The following MOB3B variants were observed in gnomAD, a reference collection of about 807,000 sequenced individuals.
MOB3B encodes MOB kinase activator 3B.
In MOB3B, 7 loss-of-function variants were observed where a neutral mutation model predicts 18.7. That is an observed-to-expected ratio of 0.37 (90% CI 0.21 to 0.70). MOB3B has a LOEUF of 0.70. Among genes scored for constraint, MOB3B ranks in the 30% least tolerant of loss-of-function variants. The probability of loss-of-function intolerance (pLI) is 0.52; values close to 1 mark genes in which losing one functional copy is unlikely to be tolerated. For synonymous variants in MOB3B, 111 were observed against 99.9 expected, an observed-to-expected ratio of 1.11 and a Z score of -0.66; for missense variants, 253 against 281.3, an observed-to-expected ratio of 0.90 and a Z score of 0.72.
chr9:27,498,432 G>T (rs1819934578), intron 1 of MOB3B, among the ~76,000 whole-genome samples: 1 of 152,122 alleles, frequency 6.6e-6, no homozygotes, highest in Non-Finnish European at 1.5e-5. Flanking sequence ...TTAGGGAGGG[G>T]TGGGCTGGTT....
chr9:27,489,938 T>G (rs1241535065), intron 1 of MOB3B, among the ~76,000 whole-genome samples: 4 of 152,012 alleles, frequency 2.6e-5, no homozygotes, highest in Non-Finnish European at 4.4e-5. Flanking sequence ...ACATATATAG[T>G]AAATATTCTT....
At chr9:27,342,401 T>C (rs977445977) in intron 3 of MOB3B, among the ~76,000 whole-genome samples, 2 of 152,166 alleles carry the variant, frequency 1.3e-5, no homozygotes, top group African/African-American at 4.8e-5. Flanking sequence ...GAACTCTACA[T>C]GCCTATAGTC....
At chr9:27,353,148 G>T (rs1009417769) in intron 3 of MOB3B, among the ~76,000 whole-genome samples, 1 of 152,218 alleles carries the variant, frequency 6.6e-6, no homozygotes, top group Non-Finnish European at 1.5e-5. Context: ...GAGGGTAATT[G>T]TCATCTAGGG....
chr9:27,432,052 C>T (rs550288668), intron 2 of MOB3B, among the ~76,000 whole-genome samples: 25 of 152,232 alleles, frequency 1.6e-4, no homozygotes, highest in African/African-American at 4.8e-4. Flanking sequence ...AGACATCAGA[C>T]GATCAACTAC....
intron 2 of MOB3B, among the ~76,000 whole-genome samples, chr9:27,451,439 T>G (rs1587225002): frequency 1.3e-5 from 2 of 152,196 alleles, no homozygotes; most frequent in East Asian, 1.9e-4. Flanking sequence ...TTCTGCCATC[T>G]GAGAAAGTTC....
intron 2 of MOB3B, among the ~76,000 whole-genome samples, chr9:27,444,691 G>T (rs1822663689): frequency 1.3e-5 from 2 of 152,174 alleles, no homozygotes; most frequent in African/African-American, 4.8e-5. Context: ...GGCAAGTCTG[G>T]ATTCTAAACC....
At chr9:27,378,209 C>T in intron 2 of MOB3B, 1 of 365,586 alleles carries the variant, frequency 2.7e-6, no homozygotes, top group African/African-American at 2.1e-5. Flanking sequence ...ATTTCTCTTT[C>T]TGACCTACAC....
At chr9:27,445,426 T>A (rs1405654619) in intron 2 of MOB3B, among the ~76,000 whole-genome samples, 2 of 148,422 alleles carry the variant, frequency 1.3e-5, no homozygotes, top group Non-Finnish European at 3.0e-5. Flanking sequence ...ACACTATTTC[T>A]GGAAAACAGA....
chr9:27,492,682 A>T (rs1819836185), intron 1 of MOB3B, among the ~76,000 whole-genome samples: 1 of 152,230 alleles, frequency 6.6e-6, no homozygotes, highest in South Asian at 2.1e-4. Context: ...GAAGGTAATT[A>T]ACTCCAGTTT....
At chr9:27,373,111 A>T (rs961820703) in intron 2 of MOB3B, among the ~76,000 whole-genome samples, 4 of 152,230 alleles carry the variant, frequency 2.6e-5, no homozygotes, top group Non-Finnish European at 4.4e-5. Context: ...ACGCACTAAC[A>T]TTTCTGTCTT....
chr9:27,417,541 T>C (rs1324789641), intron 2 of MOB3B, among the ~76,000 whole-genome samples: 1 of 152,142 alleles, frequency 6.6e-6, no homozygotes, highest in Non-Finnish European at 1.5e-5. Flanking sequence ...TGTGCCCAGC[T>C]CCAGGAATCA....
At chr9:27,395,124 G>C (rs1396712013) in intron 2 of MOB3B, among the ~76,000 whole-genome samples, 3 of 152,220 alleles carry the variant, frequency 2.0e-5, no homozygotes, top group Non-Finnish European at 2.9e-5. Flanking sequence ...GAGTCATTAA[G>C]TCGGGATGTC....
chr9:27,478,646 G>C (rs574367738), intron 1 of MOB3B, among the ~76,000 whole-genome samples: 13 of 152,254 alleles, frequency 8.5e-5, no homozygotes, highest in African/African-American at 3.1e-4. Context: ...TAAACACAGA[G>C]AGTAAATTGG....
In MOB3B at chr9:27,443,881, C is replaced by CA. The variant is rs199714980; in HGVS notation, c.418+11251dup. Among the ~76,000 whole-genome samples the CA allele has an allele frequency of 7.4e-3, 1,130 of 152,230 alleles. 9 individuals are homozygous for CA. Among genetic ancestry groups the CA allele is most frequent in the Middle Eastern group, 0.017 (5 of 294 alleles). ...ATGACTGGCCTTCTCCTTGGGCTGT[C>CA]AATAATTATCCTTTCAGAACAGTGA... is the stretch of plus-strand genomic sequence containing the variant. On this transcript the variant is annotated intron_variant, in intron 2 of 3. Coordinates refer to ENST00000262244, the MANE Select transcript of MOB3B (RefSeq NM_024761.5).
intron 3 of MOB3B, among the ~76,000 whole-genome samples, chr9:27,344,765 T>C (rs1821006672): frequency 6.6e-6 from 1 of 152,240 alleles, no homozygotes; most frequent in East Asian, 1.9e-4. Flanking sequence ...GCCAATGCTC[T>C]CCAAAGGTGA....
rs1820768231 is a variant in MOB3B, at chr9:27,330,319, G to A, written c.*268C>T. 1 of 397,944 alleles carries A rather than the reference G, an allele frequency of 2.5e-6. No homozygotes were observed. Among genetic ancestry groups the A allele is most frequent in the Non-Finnish European group, 4.5e-6 (1 of 221,166 alleles). The allele number at this position is 397,944 out of a possible 1,614,324, so 24.7% of individuals were successfully genotyped here. A position where few individuals can be genotyped will look rare whatever the true frequency, so the allele number is the denominator to read the frequency against. On this transcript the variant is annotated 3_prime_UTR_variant, in exon 4 of 4. Coordinates refer to ENST00000262244, the MANE Select transcript of MOB3B (RefSeq NM_024761.5). ...TGTGTGGAAGTGCAGAGGCTTCCTC[G>A]TGGACAATTCCCCAGCCAGAACGGT...
chr9:27,427,605 T>C (rs945484106), intron 2 of MOB3B, among the ~76,000 whole-genome samples: 1 of 152,198 alleles, frequency 6.6e-6, no homozygotes, highest in Non-Finnish European at 1.5e-5. Flanking sequence ...TACTCCATTG[T>C]TTTTTTGTGG....
At chr9:27,415,700 T>C (rs1822135201) in intron 2 of MOB3B, among the ~76,000 whole-genome samples, 1 of 152,216 alleles carries the variant, frequency 6.6e-6, no homozygotes, top group African/African-American at 2.4e-5. Context: ...CATTTCTCAC[T>C]TCCAAATGGA....
chr9:27,387,908 C>G (rs1457227807), intron 2 of MOB3B, among the ~76,000 whole-genome samples: 1 of 152,128 alleles, frequency 6.6e-6, no homozygotes, highest in Non-Finnish European at 1.5e-5. Context: ...TCAGAGTCCT[C>G]TTACAGCCAT....
Sources: gnomAD v4.1 joint callset for allele counts (sites outside exome capture counted in the v4.1 genomes callset) on GRCh38, gnomAD v4.1.1 for gene constraint, MANE v1.5 for transcripts, NCBI Gene and HGNC (gene_info 2026-07-23, HGNC 2026-07-21) for gene names.